PRUNE1: variants seen among roughly 807,000 people sequenced by gnomAD.
The protein encoded by PRUNE1 is exopolyphosphatase PRUNE1.
PRUNE1 carries 25 observed loss-of-function variants against 42.5 expected under a neutral mutation model. The ratio of observed to expected loss-of-function variants is 0.59; its 90% CI spans 0.43 to 0.82. PRUNE1 has a LOEUF of 0.82. Ranked by LOEUF, PRUNE1 falls within the 40% of genes least tolerant of loss-of-function variation. The pLI is 0.00. For synonymous variants in PRUNE1, 203 were observed against 217.1 expected, an observed-to-expected ratio of 0.93 and a Z score of 0.57; for missense variants, 443 against 539.3, an observed-to-expected ratio of 0.82 and a Z score of 1.77.
intron 1 of PRUNE1, among the ~76,000 whole-genome samples, chr1:151,013,052 C>T (rs1407149439): frequency 5.9e-5 from 9 of 152,120 alleles, no homozygotes; most frequent in African/African-American, 1.9e-4. Flanking sequence ...TGTGAGCCAC[C>T]GCGCTCGGCC....
intron 1 of PRUNE1, among the ~76,000 whole-genome samples, chr1:151,016,675 T>C (rs1255546458): frequency 6.6e-6 from 1 of 151,724 alleles, no homozygotes; most frequent in Non-Finnish European, 1.5e-5. Flanking sequence ...CTAATTTTTG[T>C]ATTTTTAGTA....
At chr1:151,021,201 TC>T (rs1461806954) in intron 3 of PRUNE1, among the ~76,000 whole-genome samples, 14 of 149,448 alleles carry the variant, frequency 9.4e-5, no homozygotes, top group Non-Finnish European at 1.6e-4. Context: ...ACGCCTGTAA[TC>T]CCAGCACTTT....
chr1:151,031,154 CCTT>C lies in PRUNE1; in HGVS notation c.933+2213_933+2215del, dbSNP rs1429532440. On this transcript the variant is annotated intron_variant, in intron 7 of 7. Coordinates refer to ENST00000271620, the MANE Select transcript of PRUNE1 (RefSeq NM_021222.3). ...TGCCCCTATGCTTGGAAACAGGAGT[CCTT>C]CTCTCTCTGTTTTGTTTTTGTGTGT... Among the ~76,000 whole-genome samples the C allele has an allele frequency of 3.3e-5, 5 of 150,724 alleles. No homozygotes were observed. The East Asian group carries it at 5.8e-4, about 18-fold the overall frequency.
chr1:151,023,387 T>G (rs1051065914), intron 3 of PRUNE1, among the ~76,000 whole-genome samples: 1 of 152,148 alleles, frequency 6.6e-6, no homozygotes, highest in Non-Finnish European at 1.5e-5. Flanking sequence ...CAGGACCTGG[T>G]GACCCACATG....
intron 3 of PRUNE1, among the ~76,000 whole-genome samples, chr1:151,019,224 A>C (rs6664622): frequency 0.41 from 62,883 of 151,868 alleles, 14,668 homozygotes; most frequent in Middle Eastern, 0.62. Flanking sequence ...CTAAAGGGTA[A>C]CTCAAAAATC....
At chr1:151,015,664 C>A (rs1674064206) in intron 1 of PRUNE1, among the ~76,000 whole-genome samples, 1 of 147,684 alleles carries the variant, frequency 6.8e-6, no homozygotes, top group Non-Finnish European at 1.5e-5. Context: ...ATTAGTCGGG[C>A]ATGGTGGCGG....
Position 151,034,287 on chromosome 1 carries a change from C to A in PRUNE1, c.*53C>A. The A allele has an allele frequency of 6.5e-7, 1 of 1,528,788 alleles. No individual in the cohort carries two copies. The highest frequency in any genetic ancestry group is 8.9e-7 in the Non-Finnish European group (1 of 1,120,108). 94.7% of individuals were successfully genotyped at this position (1,528,788 alleles called of 1,614,324 possible). ...GAGGCTACCTGACTCACTTCAAATG[C>A]ATGTTTTGAGATGTTTGGAGATTCA... On this transcript the variant is annotated 3_prime_UTR_variant, in exon 8 of 8. Transcript: ENST00000271620.
At chr1:151,018,289 T>G in intron 2 of PRUNE1, 178 bp from the exon 3 acceptor site, 1 of 760,050 alleles carries the variant, frequency 1.3e-6, no homozygotes, top group Non-Finnish European at 2.4e-6. Flanking sequence ...GACTTTCATG[T>G]TATTACTAAG....
At position 151,032,843 on chromosome 1, in the gene PRUNE1, G is replaced by A. The variant is rs373461647; in HGVS notation, c.934-963G>A. ...GGCTGGAGTGCAATGGTGAGATCTC[G>A]GCTCACTGCAACCTCCGCCTCCCAG... On this transcript the variant is annotated intron_variant, in intron 7 of 7. Transcript: ENST00000271620. Among the ~76,000 whole-genome samples the A allele has an allele frequency of 1.2e-4, 18 of 151,170 alleles. No homozygotes were observed. In the East Asian group the frequency reaches 1.4e-3, roughly 12 times the overall value.
chr1:151,027,773 T>TGC (rs1386451129), intron 6 of PRUNE1, among the ~76,000 whole-genome samples: 31 of 139,732 alleles, frequency 2.2e-4, no homozygotes, highest in African/African-American at 9.8e-4. Flanking sequence ...TGTGTGTGTG[T>TGC]GTGTGTGTGC....
At chr1:151,017,087 C>A in intron 1 of PRUNE1, among the ~76,000 whole-genome samples, 1 of 129,188 alleles carries the variant, frequency 7.7e-6, no homozygotes, top group Admixed American at 8.1e-5. Context: ...GTCAAAACTC[C>A]ATCTCAAAAA....
intron 3 of PRUNE1, among the ~76,000 whole-genome samples, chr1:151,020,710 G>C (rs938728457): frequency 6.6e-6 from 1 of 152,138 alleles, no homozygotes; most frequent in Admixed American, 6.6e-5. Context: ...GGCCAGGCGC[G>C]GTGGCTCATG....
chr1:151,032,301 G>A (rs141631364), intron 7 of PRUNE1, among the ~76,000 whole-genome samples: 167 of 151,920 alleles, frequency 1.1e-3, no homozygotes, highest in African/African-American at 4.0e-3. Context: ...ATGAATCCCA[G>A]CACTTTCGGA....
At chr1:151,029,522 C>G (rs1040260905) in intron 7 of PRUNE1, among the ~76,000 whole-genome samples, 1 of 151,712 alleles carries the variant, frequency 6.6e-6, no homozygotes, top group African/African-American at 2.4e-5. Context: ...CGCCCGCCAC[C>G]ACGCCCGGCT....
chr1:151,025,536 T>C lies in PRUNE1; in HGVS notation c.542T>C (p.Val181Ala). 1.2e-6 allele frequency: 2 copies of C among 1,613,972 alleles called. No homozygotes were observed. Among genetic ancestry groups the C allele is most frequent in the Non-Finnish European group, 1.7e-6 (2 of 1,179,962 alleles). ...LLHGTIILDC[V>A]NMDLKIGKAT... ...ACAGGAACCATCATCCTGGACTGTG[T>C]CAACATGGACCTTAAAATTGGAAAG... Residue 181 changes from valine (V) to alanine (A), a missense_variant, in exon 5 of 8, where the codon GTC becomes GCC. Physicochemically the swap from Val to Ala is moderately conservative, Grantham distance 64. Transcript: ENST00000271620.
intron 1 of PRUNE1, among the ~76,000 whole-genome samples, chr1:151,016,817 C>T (rs1188482609): frequency 1.3e-5 from 2 of 151,028 alleles, no homozygotes; most frequent in African/African-American, 4.9e-5. Context: ...CTAGATCTTA[C>T]TTTTAACCTT....
In PRUNE1 at chr1:151,024,868, A is replaced by G. The variant is rs1674727343; in HGVS notation, c.520+73A>G. On this transcript the variant is annotated intron_variant, in intron 4 of 7. Coordinates refer to ENST00000271620, the MANE Select transcript of PRUNE1 (RefSeq NM_021222.3). ...CTGAGAAGGGAGGGTGGAAAAGTCT[A>G]GACGCTTCCAGCCTAACCATATGCT... The G allele has an allele frequency of 4.1e-6, 6 of 1,453,878 alleles. No individual in the cohort carries two copies. In the South Asian group the frequency reaches 7.8e-5, roughly 19 times the overall value. The allele number at this position is 1,453,878 out of a possible 1,614,324, so 90.1% of individuals were successfully genotyped here.
chr1:151,008,561 G>C lies in PRUNE1; in HGVS notation c.-72G>C. On this transcript the variant is annotated 5_prime_UTR_variant, in exon 1 of 8. Transcript: ENST00000271620. ...CCTGAGTCCCGGGCGGGCTGCATTCGTCGGGGAAACCTCTCCTCGACCAGG... is the reference window on the plus strand; with the variant it reads ...CCTGAGTCCCGGGCGGGCTGCATTCCTCGGGGAAACCTCTCCTCGACCAGG... The C allele has an allele frequency of 6.3e-7, 1 of 1,581,024 alleles. No homozygotes were observed. Among genetic ancestry groups the C allele is most frequent in the Non-Finnish European group, 8.7e-7 (1 of 1,149,914 alleles).
chr1:151,018,397 C>T, intron 2 of PRUNE1, 70 bp from the exon 3 acceptor site: 1 of 1,305,938 alleles, frequency 7.7e-7, no homozygotes, highest in Non-Finnish European at 1.1e-6. Flanking sequence ...TCCTTTGGTC[C>T]CAGTAGTCTT....
Sources: allele counts gnomAD v4.1 joint callset (sites outside exome capture counted in the v4.1 genomes callset), GRCh38; gene constraint gnomAD v4.1.1; transcripts MANE v1.5; gene names NCBI Gene and HGNC (gene_info 2026-07-23, HGNC 2026-07-21).